ANXA6: variants seen among roughly 807,000 people sequenced by gnomAD.
ANXA6 encodes the protein 67 kDa calelectrin.
A neutral mutation model predicts 95.4 loss-of-function variants in ANXA6; 71 were observed. That is an observed-to-expected ratio of 0.74 (90% CI 0.61 to 0.91). The LOEUF is 0.91. Ranked by LOEUF, ANXA6 falls within the 40% of genes least tolerant of loss-of-function variation. The pLI is 0.00. For missense variants in ANXA6, 830 were observed against 876.4 expected, an observed-to-expected ratio of 0.95 and a Z score of 0.67; for synonymous variants, 289 against 315.9, an observed-to-expected ratio of 0.91 and a Z score of 0.90.
At chr5:151,127,908 T>C (rs897954290) in intron 13 of ANXA6, among the ~76,000 whole-genome samples, 4 of 152,192 alleles carry the variant, frequency 2.6e-5, no homozygotes, top group African/African-American at 9.7e-5. Flanking sequence ...TTCTGGTTCC[T>C]AGTCCACAAC....
chr5:151,131,335 A>C, intron 10 of ANXA6, 46 bp from the exon 11 acceptor site: 3 of 1,596,238 alleles, frequency 1.9e-6, no homozygotes, highest in East Asian at 4.5e-5. Flanking sequence ...CTGCCTCAGA[A>C]GGGGGATGGG....
chr5:151,118,779 G>A (rs7700618), intron 18 of ANXA6, among the ~76,000 whole-genome samples: 42,493 of 151,772 alleles, frequency 0.28, 6,518 homozygotes, highest in East Asian at 0.48. Flanking sequence ...TGTCGCCCAG[G>A]CTGGTCTCGA....
chr5:151,154,178 G>C (rs1344580592), intron 1 of ANXA6, among the ~76,000 whole-genome samples: 1 of 151,864 alleles, frequency 6.6e-6, no homozygotes, highest in Non-Finnish European at 1.5e-5. Context: ...ATTTATTTGA[G>C]CACCTCCTAC....
chr5:151,145,787 C>G (rs929720971), intron 2 of ANXA6, among the ~76,000 whole-genome samples: 4 of 152,108 alleles, frequency 2.6e-5, no homozygotes, highest in African/African-American at 9.7e-5. Context: ...CACCTCTCCC[C>G]CAAACCACTG....
At chr5:151,110,513 G>C (rs1420355224) in intron 21 of ANXA6, 114 bp downstream of exon 21, 21 of 1,194,034 alleles carry the variant, frequency 1.8e-5, no homozygotes, top group Non-Finnish European at 2.4e-5. Flanking sequence ...AGGGGAGAGA[G>C]AGAAGCCGCA....
chr5:151,129,517 G>C lies in ANXA6; in HGVS notation c.808C>G (p.Arg270Gly). 6.2e-7 allele frequency: 1 copy of C among 1,603,658 alleles called. No individual in the cohort carries two copies. Among genetic ancestry groups the C allele is most frequent in the Non-Finnish European group, 8.5e-7 (1 of 1,175,154 alleles). ...LFKAMKGLGT[R>G]DNTLIRIMVS... ...ATGATGCGGATCAGGGTGTTGTCCC[G>C]AGTCCCCAGGCCCTGCAAGACAAGT... The change falls in exon 12 of 26, where the codon CGG (arginine) becomes GGG (glycine). Residue 270 changes from arginine to glycine, a missense_variant. Arg to Gly is a moderately radical substitution (Grantham distance 125). Coordinates refer to ENST00000354546, the MANE Select transcript of ANXA6 (RefSeq NM_001155.5).
intron 22 of ANXA6, 99 bp downstream of exon 22, chr5:151,109,654 G>T: frequency 2.2e-6 from 2 of 907,310 alleles, no homozygotes; most frequent in Non-Finnish European, 3.5e-6. Flanking sequence ...GGAGGAGGTG[G>T]GTGGGCAACG....
At chr5:151,101,967 C>G (rs1407821562) in intron 25 of ANXA6, among the ~76,000 whole-genome samples, 1 of 152,234 alleles carries the variant, frequency 6.6e-6, no homozygotes, top group Non-Finnish European at 1.5e-5. Context: ...TGCTGATACC[C>G]TCCCCCATGG....
Position 151,126,450 on chromosome 5 carries a change from C to T in ANXA6, c.1008G>A (p.Ala336=), listed in dbSNP as rs191788105. 286 of 1,610,596 alleles carry T rather than the reference C, an allele frequency of 1.8e-4. No homozygotes were observed. The highest frequency in any genetic ancestry group is 2.2e-4 in the Non-Finnish European group (265 of 1,178,512). ...GTTCCCACATCTGATAGGCCACCTGCGCTGCCTCCGGGAAGAACTGGCCAG... is the reference window on the plus strand; with the variant it reads ...GTTCCCACATCTGATAGGCCACCTGTGCTGCCTCCGGGAAGAACTGGCCAG... ...DAAGQFFPEA[A]QVAYQMWELS... Residue 336 remains alanine (A), a synonymous_variant, in exon 14 of 26, where the codon GCG becomes GCA. Transcript: ENST00000354546.
chr5:151,109,125 T>C (rs530674251), intron 22 of ANXA6, among the ~76,000 whole-genome samples: 1 of 146,784 alleles, frequency 6.8e-6, no homozygotes, highest in Non-Finnish European at 1.5e-5. Flanking sequence ...GTCACATGGC[T>C]GTTAAGTGGG....
At chr5:151,104,845 T>C (rs1375745031) in intron 24 of ANXA6, among the ~76,000 whole-genome samples, 1 of 152,228 alleles carries the variant, frequency 6.6e-6, no homozygotes, top group African/African-American at 2.4e-5. Flanking sequence ...AGAGACTGTG[T>C]CCTACCCAGC....
intron 1 of ANXA6, chr5:151,155,453 C>G (rs181606798): frequency 7.3e-4 from 111 of 152,266 alleles, no homozygotes; most frequent in African/African-American, 2.6e-3. Flanking sequence ...AGTCACTCCC[C>G]CATAGCCAGT....
chr5:151,140,945 C>T lies in ANXA6; in HGVS notation c.19-702G>A, dbSNP rs185165878. On this transcript the variant is annotated intron_variant, in intron 2 of 25. Coordinates refer to ENST00000354546, the MANE Select transcript of ANXA6 (RefSeq NM_001155.5). Reference sequence around the variant, plus strand: ...CCAGGAACCTTGCAGGTGCCAGCTACTGAGGGTGGGGTCCTGGGCACAGGG... The same window carrying T: ...CCAGGAACCTTGCAGGTGCCAGCTATTGAGGGTGGGGTCCTGGGCACAGGG... 1.2e-3 allele frequency among the ~76,000 whole-genome samples: 181 copies of T among 152,358 alleles called. 1 individual carries two copies. Among genetic ancestry groups the T allele is most frequent in the African/African-American group, 4.3e-3 (178 of 41,596 alleles).
In ANXA6 at chr5:151,131,246, G is replaced by A. The variant is rs769305430; in HGVS notation, c.780C>T (p.Leu260=). ...CACCACGCACCTTCATAGCCTTGAA[G>A]AGCCTTTCAGCAAAATATTCCGGGG... The part of the protein sequence containing the change: ...RSTPEYFAER[L]FKAMKGLGTR... Residue 260 remains leucine (L), a synonymous_variant, in exon 11 of 26, where the codon CTC becomes CTT. Coordinates refer to ENST00000354546, the MANE Select transcript of ANXA6 (RefSeq NM_001155.5). 1.2e-6 allele frequency: 2 copies of A among 1,614,012 alleles called. No individual in the cohort carries two copies. Among genetic ancestry groups the A allele is most frequent in the South Asian group, 2.2e-5 (2 of 91,074 alleles).
intron 15 of ANXA6, among the ~76,000 whole-genome samples, chr5:151,123,522 G>A (rs1765228515): frequency 6.6e-6 from 1 of 152,202 alleles, no homozygotes; most frequent in Non-Finnish European, 1.5e-5. Context: ...ATCACTTCCT[G>A]CTTCTCAGAT....
At chr5:151,141,601 C>T in intron 2 of ANXA6, 5 of 985,514 alleles carry the variant, frequency 5.1e-6, no homozygotes, top group Non-Finnish European at 6.0e-6. Context: ...CTCCGTGCCT[C>T]CCAACGTCTG....
chr5:151,117,252 C>A (rs1765027222), intron 19 of ANXA6, 72 bp from the exon 20 acceptor site: 9 of 1,425,946 alleles, frequency 6.3e-6, no homozygotes, highest in Middle Eastern at 1.8e-4. Flanking sequence ...CACCACACAC[C>A]CTGCTCATTT....
At chr5:151,114,114 T>G (rs944964108) in intron 20 of ANXA6, among the ~76,000 whole-genome samples, 5 of 152,206 alleles carry the variant, frequency 3.3e-5, no homozygotes, top group African/African-American at 1.2e-4. Flanking sequence ...GATTAGTGGT[T>G]GCTTAGGGCT....
rs1230300962 is a variant in ANXA6 at position 151,103,621 on chromosome 5, G to T, written c.1911C>A (p.Ile637=). ...VSRSEIDLLN[I]RREFIEKYDK... is the part of the protein sequence containing the mutation. ...CATATTTCTCAATGAATTCCCTCCG[G>T]ATGTTGAGCAGGTCAATCTCACTGC... The change falls in exon 25 of 26, where the codon ATC becomes ATA. Residue 637 remains isoleucine (I), a synonymous_variant. Transcript: ENST00000354546. The T allele has an allele frequency of 6.8e-6, 11 of 1,612,028 alleles. No homozygotes were observed. Among genetic ancestry groups the T allele is most frequent in the Non-Finnish European group, 8.5e-6 (10 of 1,179,106 alleles).
Sources: allele counts gnomAD v4.1 joint callset (sites outside exome capture counted in the v4.1 genomes callset), GRCh38; gene constraint gnomAD v4.1.1; transcripts MANE v1.5; gene names NCBI Gene and HGNC (gene_info 2026-07-23, HGNC 2026-07-21).